AP5B1: variants seen among roughly 807,000 people sequenced by gnomAD.
AP5B1 encodes the protein adaptor related protein complex 5 subunit beta 1.
In AP5B1, 3 loss-of-function variants were observed where a neutral mutation model predicts 5.7. That is an observed-to-expected ratio of 0.53 (90% CI 0.24 to 1.36). The LOEUF is 1.36. Ranked by LOEUF, AP5B1 falls within the 40% of genes most tolerant of loss-of-function variation. The pLI is 0.17. For synonymous variants in AP5B1, 696 were observed against 555.5 expected (o/e 1.25, Z -3.56); for missense variants, 1,310 against 1,143.2 (o/e 1.15, Z -2.10).
Position 65,780,502 on chromosome 11 carries a change from C to G in AP5B1, c.90G>C (p.Glu30Asp). The change falls in exon 1 of 2, where the codon GAG (glutamate) becomes GAC (aspartate). Residue 30 changes from glutamate (E) to aspartate (D), a missense_variant. Glu to Asp is a conservative substitution (Grantham distance 45). Coordinates refer to ENST00000532090, the MANE Select transcript of AP5B1 (RefSeq NM_138368.5). ...PSAFMAGPEG[E>D]DLGRDLLSDL... is the part of the protein sequence containing the mutation. ...CGCTCAGCAGGTCGCGACCCAAATC[C>G]TCCCCCTCGGGACCTGCCATGAAGG... 1 of 1,520,582 alleles carries G rather than the reference C, an allele frequency of 6.6e-7. No homozygotes were observed. The highest frequency in any genetic ancestry group is 2.6e-5 in the East Asian group (1 of 38,524). The allele number at this position is 1,520,582 out of a possible 1,614,324, so 94.2% of individuals were successfully genotyped here.
rs1857757747 is a variant in AP5B1, at chr11:65,775,789, G to A, written c.*2067C>T. On this transcript the variant is annotated 3_prime_UTR_variant, in exon 2 of 2. Transcript: ENST00000532090. ...CTGAAACTGACCCCTTCCTGATTTG[G>A]AAATGACTTGCCGAGGTGACAAAGC... 1 of 152,170 alleles carries A rather than the reference G, an allele frequency of 6.6e-6. No homozygotes were observed. The highest frequency in any genetic ancestry group is 2.1e-4 in the South Asian group (1 of 4,832). The allele number at this position is 152,170 out of a possible 1,614,324, so 9.4% of individuals were successfully genotyped here. A position where few individuals can be genotyped will look rare whatever the true frequency, so the allele number is the denominator to read the frequency against.
In AP5B1 at chr11:65,778,213, G is replaced by T. The variant is rs1263144990; in HGVS notation, c.2280C>A (p.Phe760Leu). 3 of 1,613,368 alleles carry T rather than the reference G, an allele frequency of 1.9e-6. No individual in the cohort carries two copies. The highest frequency in any genetic ancestry group is 8.5e-7 in the Non-Finnish European group (1 of 1,179,890). ...GCAGAAAGAGGTCGGCAAAGTTCAC[G>T]AACAGGGGTGGCAAGTGGGCATGGC... ...LTCHAHLPPL[F>L]VNFADLFLPF... Residue 760 changes from phenylalanine (F) to leucine (L), a missense_variant, in exon 2 of 2, where the codon TTC becomes TTA. Phe to Leu is a conservative substitution (Grantham distance 22, BLOSUM62 0). Transcript: ENST00000532090.
rs1347154634 is a variant in AP5B1, at chr11:65,777,718, C to T, written c.*138G>A. The stretch of plus-strand genomic sequence containing the variant: ...TCAGACAGACCCTCACCCCCAGGAG[C>T]CTGCTCCCAACCGGGGCCCAAAAGA... On this transcript the variant is annotated 3_prime_UTR_variant, in exon 2 of 2. Transcript: ENST00000532090. The T allele has an allele frequency of 3.9e-6, 4 of 1,030,768 alleles. No individual in the cohort carries two copies. The African/African-American group carries it at 4.9e-5, about 13-fold the overall frequency. 63.9% of individuals were successfully genotyped at this position (1,030,768 alleles called of 1,614,324 possible).
Position 65,775,261 on chromosome 11 carries a change from G to A in AP5B1, c.*2595C>T, listed in dbSNP as rs1308180938. ...CTGGAGGAATGGATGGATAAAATGGGATGGATGCACAAGTGGGCAGACAGA... is the reference window on the plus strand; with the variant it reads ...CTGGAGGAATGGATGGATAAAATGGAATGGATGCACAAGTGGGCAGACAGA... On this transcript the variant is annotated 3_prime_UTR_variant, in exon 2 of 2. Transcript: ENST00000532090. Among the ~76,000 whole-genome samples, 3 of 152,184 alleles carry A rather than the reference G, an allele frequency of 2.0e-5. No individual in the cohort carries two copies. Among genetic ancestry groups the A allele is most frequent in the Non-Finnish European group, 4.4e-5 (3 of 68,040 alleles).
Position 65,774,325 on chromosome 11 carries a change from T to C in AP5B1, c.*3531A>G, listed in dbSNP as rs1489845976. Among the ~76,000 whole-genome samples, 1 of 152,220 alleles carries C rather than the reference T, an allele frequency of 6.6e-6. No individual in the cohort carries two copies. Among genetic ancestry groups the C allele is most frequent in the African/African-American group, 2.4e-5 (1 of 41,450 alleles). On this transcript the variant is annotated 3_prime_UTR_variant, in exon 2 of 2. Coordinates refer to ENST00000532090, the MANE Select transcript of AP5B1 (RefSeq NM_138368.5). ...TTAGCACCTCCATCTCAACATGTAC[T>C]TCCCCAACGGTCATGGCAGAGGAAG...
chr11:65,774,306 C>A lies in AP5B1; in HGVS notation c.*3550G>T, dbSNP rs1007976374. Among the ~76,000 whole-genome samples the A allele has an allele frequency of 2.0e-5, 3 of 152,206 alleles. No individual in the cohort carries two copies. Among genetic ancestry groups the A allele is most frequent in the Non-Finnish European group, 4.4e-5 (3 of 68,044 alleles). On this transcript the variant is annotated 3_prime_UTR_variant, in exon 2 of 2. Coordinates refer to ENST00000532090, the MANE Select transcript of AP5B1 (RefSeq NM_138368.5). ...GAGATTATGACTCAACTATTTAGCA[C>A]CTCCATCTCAACATGTACTTCCCCA...
rs771165606 is a variant in AP5B1 at position 65,778,934 on chromosome 11, T to C, written c.1559A>G (p.Lys520Arg). The C allele has an allele frequency of 6.2e-7, 1 of 1,612,968 alleles. No individual in the cohort carries two copies. Among genetic ancestry groups the C allele is most frequent in the Non-Finnish European group, 8.5e-7 (1 of 1,179,798 alleles). The part of the protein sequence containing the change: ...QVDSELREPL[K>R]VVLRQVVVSR... ...CACCACCACCTGCCGCAACACCACC[T>C]TCAGGGGCTCCCTCAGCTCAGAGTC... Residue 520 changes from lysine (K) to arginine (R), a missense_variant, in exon 2 of 2, where the codon AAG becomes AGG. Transcript: ENST00000532090.
rs774089443 is a variant in AP5B1 at position 65,778,201 on chromosome 11, G to A, written c.2292C>T (p.Ala764=). 7.4e-6 allele frequency: 12 copies of A among 1,613,166 alleles called. No individual in the cohort carries two copies. The highest frequency in any genetic ancestry group is 2.2e-5 in the South Asian group (2 of 91,088). Residue 764 remains alanine (A), a synonymous_variant, in exon 2 of 2, where the codon GCC becomes GCT. Transcript: ENST00000532090. ...GCTGCGGGAAAGGCAGAAAGAGGTC[G>A]GCAAAGTTCACGAACAGGGGTGGCA... ...AHLPPLFVNF[A]DLFLPFPQPP...
At position 65,779,422 on chromosome 11, in the gene AP5B1, G is replaced by A; in HGVS notation, c.1071C>T (p.His357=). ...GATGGGTGGGCGGAGGCAGAGCAGG[G>A]TGCTGGGCAGCCAAGGTGAGCCGGC... The part of the protein sequence containing the change: ...LLRRLTLAAQ[H]PALPPPTHLF... The change falls in exon 2 of 2, where the codon CAC becomes CAT. Residue 357 remains histidine, a synonymous_variant. Coordinates refer to ENST00000532090, the MANE Select transcript of AP5B1 (RefSeq NM_138368.5). 1 of 1,608,184 alleles carries A rather than the reference G, an allele frequency of 6.2e-7. No homozygotes were observed. Among genetic ancestry groups the A allele is most frequent in the East Asian group, 2.2e-5 (1 of 44,742 alleles).
chr11:65,779,442 G>C lies in AP5B1; in HGVS notation c.1051C>G (p.Leu351Val), dbSNP rs563241045. 1.2e-6 allele frequency: 2 copies of C among 1,607,350 alleles called. No individual in the cohort carries two copies. The highest frequency in any genetic ancestry group is 1.7e-6 in the Non-Finnish European group (2 of 1,177,460). ...GCAGGGTGCTGGGCAGCCAAGGTGAGCCGGCGGAGCAGCAACGCTTCATCC... is the reference window on the plus strand; with the variant it reads ...GCAGGGTGCTGGGCAGCCAAGGTGACCCGGCGGAGCAGCAACGCTTCATCC... The part of the protein sequence containing the change: ...AQDEALLLRR[L>V]TLAAQHPALP... The change falls in exon 2 of 2, where the codon CTC becomes GTC. Residue 351 changes from leucine to valine, a missense_variant. Leu to Val is a conservative substitution (Grantham distance 32). Coordinates refer to ENST00000532090, the MANE Select transcript of AP5B1 (RefSeq NM_138368.5).
chr11:65,780,142 G>T lies in AP5B1; in HGVS notation c.351C>A (p.Ser117=). 6.8e-7 allele frequency: 1 copy of T among 1,477,058 alleles called. No homozygotes were observed. Among genetic ancestry groups the T allele is most frequent in the South Asian group, 1.4e-5 (1 of 72,876 alleles). The allele number at this position is 1,477,058 out of a possible 1,614,324, so 91.5% of individuals were successfully genotyped here. A position where few individuals can be genotyped will look rare whatever the true frequency, so the allele number is the denominator to read the frequency against. The change falls in exon 2 of 2, where the codon TCC becomes TCA. Residue 117 remains serine (S), a synonymous_variant. Transcript: ENST00000532090. ...CGAGCAGTAGGGGCAGGAGCCGGCA[G>T]GAGGCGCCCGAGGTGGGGCCCAGCG... ...GGALGPTSGA[S]CRLLPLLLGL... is the part of the protein sequence containing the mutation.
chr11:65,778,544 C>T lies in AP5B1; in HGVS notation c.1949G>A (p.Gly650Asp), dbSNP rs1478258073. ...LASSLVAENQ[G>D]FVAALMVQEA... is the part of the protein sequence containing the mutation. ...CTGCACCATCAGTGCTGCCACAAAG[C>T]CCTGGTTCTCGGCCACCAGTGAAGA... The change falls in exon 2 of 2, where the codon GGC (glycine) becomes GAC (aspartate). Residue 650 changes from glycine (G) to aspartate (D), a missense_variant. Physicochemically the swap from Gly to Asp is moderately conservative, Grantham distance 94. Transcript: ENST00000532090. The T allele has an allele frequency of 6.3e-7, 1 of 1,579,660 alleles. No individual in the cohort carries two copies. The highest frequency in any genetic ancestry group is 8.6e-7 in the Non-Finnish European group (1 of 1,165,384).
At position 65,778,619 on chromosome 11, in the gene AP5B1, G is replaced by A. The variant is rs1477943544; in HGVS notation, c.1874C>T (p.Pro625Leu). The change falls in exon 2 of 2, where the codon CCC (proline) becomes CTC (leucine). Residue 625 changes from proline (P) to leucine (L), a missense_variant. Coordinates refer to ENST00000532090, the MANE Select transcript of AP5B1 (RefSeq NM_138368.5). Reference protein sequence around the residue: ...YYILLAHLAAPKLGVALGPSL... With the variant: ...YYILLAHLAALKLGVALGPSL... Reference sequence around the variant, plus strand: ...GGGGCCCAGGGCCACCCCCAACTTGGGTGCTGCCAGGTGTGCCAGCAGGAT... The same window carrying A: ...GGGGCCCAGGGCCACCCCCAACTTGAGTGCTGCCAGGTGTGCCAGCAGGAT... 1 of 1,594,370 alleles carries A rather than the reference G, an allele frequency of 6.3e-7. No individual in the cohort carries two copies. Among genetic ancestry groups the A allele is most frequent in the African/African-American group, 1.3e-5 (1 of 74,722 alleles).
Position 65,777,402 on chromosome 11 carries a change from T to A in AP5B1, c.*454A>T, listed in dbSNP as rs150832077. 12 of 161,442 alleles carry A rather than the reference T, an allele frequency of 7.4e-5. No homozygotes were observed. The highest frequency in any genetic ancestry group is 1.4e-4 in the African/African-American group (6 of 41,626). 10.0% of individuals were successfully genotyped at this position (161,442 alleles called of 1,614,324 possible). On this transcript the variant is annotated 3_prime_UTR_variant, in exon 2 of 2. Transcript: ENST00000532090. ...ATGTTTGTCCCCTCCCACGCTCACGTTGAAATGCGATTGCCACTGTAACAG... is the reference window on the plus strand; with the variant it reads ...ATGTTTGTCCCCTCCCACGCTCACGATGAAATGCGATTGCCACTGTAACAG...
Position 65,774,558 on chromosome 11 carries a change from C to T in AP5B1, c.*3298G>A, listed in dbSNP as rs1031887725. Among the ~76,000 whole-genome samples, 3 of 152,154 alleles carry T rather than the reference C, an allele frequency of 2.0e-5. No homozygotes were observed. The highest frequency in any genetic ancestry group is 6.5e-5 in the Admixed American group (1 of 15,276). On this transcript the variant is annotated 3_prime_UTR_variant, in exon 2 of 2. Transcript: ENST00000532090. ...TCCTGAGTAGCTGGGATTATGAGCA[C>T]GCCACCACACCCGGCTAATTTTTGG...
Position 65,777,575 on chromosome 11 carries a change from AC to A in AP5B1, c.*280del. On this transcript the variant is annotated 3_prime_UTR_variant, in exon 2 of 2. Transcript: ENST00000532090. ...CATGGGAAGATGCAGAAGGGTCCTC[AC>A]TGGGCTCTGGGCCCTCCACTATGGA... is the stretch of plus-strand genomic sequence containing the variant. 1 of 425,750 alleles carries A rather than the reference AC, an allele frequency of 2.3e-6. No homozygotes were observed. Among genetic ancestry groups the A allele is most frequent in the Non-Finnish European group, 4.2e-6 (1 of 238,530 alleles). The allele number at this position is 425,750 out of a possible 1,614,324, so 26.4% of individuals were successfully genotyped here.
Position 65,778,474 on chromosome 11 carries a change from G to T in AP5B1, c.2019C>A (p.Val673=), listed in dbSNP as rs1354273112. The change falls in exon 2 of 2, where the codon GTC becomes GTA. Residue 673 remains valine, a synonymous_variant. Transcript: ENST00000532090. ...GCTTCAACACTGGGAGTGGGCCCTT[G>T]ACCCGATGGGACCCCAGGCTCAGCC... The part of the protein sequence containing the change: ...LVRLSLGSHR[V]KGPLPVLKLQ... 1 of 1,571,076 alleles carries T rather than the reference G, an allele frequency of 6.4e-7. No homozygotes were observed. The highest frequency in any genetic ancestry group is 8.6e-7 in the Non-Finnish European group (1 of 1,163,742).
chr11:65,778,058 G>A lies in AP5B1; in HGVS notation c.2435C>T (p.Ser812Phe), dbSNP rs1038367043. The A allele has an allele frequency of 6.8e-6, 11 of 1,612,612 alleles. No individual in the cohort carries two copies. Among genetic ancestry groups the A allele is most frequent in the African/African-American group, 1.3e-5 (1 of 74,946 alleles). The change falls in exon 2 of 2, where the codon TCC becomes TTC. Residue 812 changes from serine to phenylalanine, a missense_variant. By Grantham distance (155) the Ser-to-Phe change is radical (BLOSUM62 -2). Coordinates refer to ENST00000532090, the MANE Select transcript of AP5B1 (RefSeq NM_138368.5). ...CACCACAAAAGGCTCCAGGTGGCGG[G>A]ACACCAAGCCCTCCAGGCCCTGTGG... ...LGPQGLEGLVSRHLEPFVVVA... is the reference protein window; with the variant it reads ...LGPQGLEGLVFRHLEPFVVVA...
Position 65,780,875 on chromosome 11 carries a change from A to C in AP5B1, c.-284T>G. 8.1e-6 allele frequency: 2 copies of C among 246,490 alleles called. No individual in the cohort carries two copies. The highest frequency in any genetic ancestry group is 7.7e-6 in the Non-Finnish European group (1 of 129,884). The allele number at this position is 246,490 out of a possible 1,614,324, so 15.3% of individuals were successfully genotyped here. ...CCTCCCGCCCGCGGCCCGCACCGAA[A>C]CCACAGCGCCACCCCGGCCCCCGGC... On this transcript the variant is annotated 5_prime_UTR_variant, in exon 1 of 2. Transcript: ENST00000532090.
Sources: gnomAD v4.1 joint callset for allele counts (sites outside exome capture counted in the v4.1 genomes callset) on GRCh38, gnomAD v4.1.1 for gene constraint, MANE v1.5 for transcripts, NCBI Gene and HGNC (gene_info 2026-07-23, HGNC 2026-07-21) for gene names.